The following VAT1L variants were observed in gnomAD, a reference collection of about 807,000 sequenced individuals.
VAT1L encodes the protein putative NADPH-dependent quinone oxidoreductase VAT1L.
VAT1L carries 34 observed loss-of-function variants against 44.1 expected under a neutral mutation model. That is an observed-to-expected ratio of 0.77 (90% confidence interval 0.59 to 1.03). The LOEUF is 1.03. Ranked by LOEUF, VAT1L falls within the 50% of genes least tolerant of loss-of-function variation. The pLI is 0.00. For synonymous variants in VAT1L, 253 were observed against 202.2 expected (o/e 1.25, Z -2.13); for missense variants, 615 against 538.8 (o/e 1.14, Z -1.40).
chr16:77,945,338 G>A (rs2017948232), intron 7 of VAT1L, among the ~76,000 whole-genome samples: 1 of 120,876 alleles, frequency 8.3e-6, no homozygotes, highest in African/African-American at 3.1e-5. Context: ...TAATGCTGGA[G>A]TACAGTGATG....
intron 7 of VAT1L, among the ~76,000 whole-genome samples, chr16:77,945,056 G>A (rs766521790): frequency 4.6e-5 from 7 of 152,068 alleles, no homozygotes; most frequent in East Asian, 1.9e-4. Flanking sequence ...AAAACCTGTC[G>A]GTTGTATGTT....
intron 4 of VAT1L, among the ~76,000 whole-genome samples, chr16:77,872,876 AG>A (rs1240403336): frequency 6.6e-6 from 1 of 152,192 alleles, no homozygotes; most frequent in Non-Finnish European, 1.5e-5. Flanking sequence ...GTAAACACTC[AG>A]CAAATGGTTA....
At chr16:77,894,809 G>T (rs1330200101) in intron 7 of VAT1L, among the ~76,000 whole-genome samples, 1 of 152,110 alleles carries the variant, frequency 6.6e-6, no homozygotes, top group Admixed American at 6.5e-5. Context: ...AGAGATTGAA[G>T]GGCTGTTTAA....
intron 3 of VAT1L, among the ~76,000 whole-genome samples, chr16:77,842,566 T>C (rs2016717915): frequency 6.6e-6 from 1 of 152,154 alleles, no homozygotes; most frequent in East Asian, 1.9e-4. Flanking sequence ...CCAAGAAACA[T>C]GGCACAAAAG....
intron 7 of VAT1L, among the ~76,000 whole-genome samples, chr16:77,901,347 G>T (rs566944813): frequency 6.6e-6 from 1 of 151,872 alleles, no homozygotes; most frequent in South Asian, 2.1e-4. Context: ...GTATTTTTTA[G>T]TAGAGATGGG....
At chr16:77,924,790 C>G (rs2017648433) in intron 7 of VAT1L, among the ~76,000 whole-genome samples, 1 of 152,038 alleles carries the variant, frequency 6.6e-6, no homozygotes, top group Non-Finnish European at 1.5e-5. Flanking sequence ...CCCCTCAACC[C>G]AGACTCCAAG....
chr16:77,870,820 A>G (rs2017023428), intron 4 of VAT1L, among the ~76,000 whole-genome samples: 1 of 152,204 alleles, frequency 6.6e-6, no homozygotes, highest in South Asian at 2.1e-4. Context: ...GTCAGGGGGC[A>G]CAGAAATGAT....
chr16:77,951,261 A>G (rs2018038987), intron 7 of VAT1L, among the ~76,000 whole-genome samples: 1 of 152,166 alleles, frequency 6.6e-6, no homozygotes. Flanking sequence ...AAAATGACTC[A>G]AGGTCCGGGT....
At chr16:77,840,221 T>C (rs963284667) in intron 3 of VAT1L, among the ~76,000 whole-genome samples, 1 of 152,198 alleles carries the variant, frequency 6.6e-6, no homozygotes, top group Non-Finnish European at 1.5e-5. Context: ...GTACACGTTT[T>C]AGTGTTTGCT....
rs201075028 is a variant in VAT1L at position 77,806,528 on chromosome 16, TAG to T, written c.234-10389_234-10388del. ...CCGGCCAAGTTTTTTGTATTTTTAGTAGAGACAGGTTTCACCATGTTAGCCAG... is the reference window on the plus strand; with the variant it reads ...CCGGCCAAGTTTTTTGTATTTTTAGTAGACAGGTTTCACCATGTTAGCCAG... On this transcript the variant is annotated intron_variant, in intron 1 of 8. Transcript: ENST00000302536. Among the ~76,000 whole-genome samples the T allele has an allele frequency of 3.7e-4, 56 of 150,850 alleles. 1 individual carries two copies. The East Asian group carries it at 9.7e-3, about 26-fold the overall frequency.
At chr16:77,906,793 G>A (rs1190089031) in intron 7 of VAT1L, among the ~76,000 whole-genome samples, 1 of 152,226 alleles carries the variant, frequency 6.6e-6, no homozygotes, top group Non-Finnish European at 1.5e-5. Flanking sequence ...CTACCTCTGG[G>A]TGAAGCAGAG....
chr16:77,793,282 T>A (rs959587966), intron 1 of VAT1L, among the ~76,000 whole-genome samples: 1 of 152,042 alleles, frequency 6.6e-6, no homozygotes, highest in Non-Finnish European at 1.5e-5. Flanking sequence ...CAGCTAATTT[T>A]TTTTTAATTT....
At chr16:77,959,993 C>A (rs2018144614) in intron 7 of VAT1L, among the ~76,000 whole-genome samples, 1 of 152,034 alleles carries the variant, frequency 6.6e-6, no homozygotes. Context: ...TTCTCTCTCT[C>A]CTCTTGCCAT....
At chr16:77,926,622 T>C (rs946292780) in intron 7 of VAT1L, among the ~76,000 whole-genome samples, 2 of 152,036 alleles carry the variant, frequency 1.3e-5, no homozygotes, top group African/African-American at 2.4e-5. Flanking sequence ...AAAGATACGG[T>C]GGTTGATTAA....
At chr16:77,931,861 C>G (rs1279622204) in intron 7 of VAT1L, among the ~76,000 whole-genome samples, 3 of 152,140 alleles carry the variant, frequency 2.0e-5, no homozygotes, top group African/African-American at 7.2e-5. Flanking sequence ...ACCTAAGCAA[C>G]TATGTGAACT....
intron 1 of VAT1L, among the ~76,000 whole-genome samples, chr16:77,811,539 G>C (rs150190805): frequency 6.6e-6 from 1 of 152,068 alleles, no homozygotes; most frequent in Non-Finnish European, 1.5e-5. Context: ...TATAAAAAGG[G>C]CTTATATTCC....
At chr16:77,899,361 T>C (rs2017357486) in intron 7 of VAT1L, among the ~76,000 whole-genome samples, 1 of 152,236 alleles carries the variant, frequency 6.6e-6, no homozygotes, top group Non-Finnish European at 1.5e-5. Flanking sequence ...CATCCTGATT[T>C]GCAGTGGAGA....
chr16:77,893,018 C>T (rs1277293120), intron 7 of VAT1L: 20 of 594,898 alleles, frequency 3.4e-5, no homozygotes, highest in Admixed American at 1.4e-4. Flanking sequence ...CATCTTTGTG[C>T]GCTCGCTGCA....
At chr16:77,808,334 A>G (rs1005353578) in intron 1 of VAT1L, among the ~76,000 whole-genome samples, 5 of 152,064 alleles carry the variant, frequency 3.3e-5, no homozygotes, top group Non-Finnish European at 7.4e-5. Flanking sequence ...GAGTTGTAGG[A>G]AAACAACCTC....
Sources: gnomAD v4.1 joint callset for allele counts (sites outside exome capture counted in the v4.1 genomes callset) on GRCh38, gnomAD v4.1.1 for gene constraint, MANE v1.5 for transcripts, NCBI Gene and HGNC (gene_info 2026-07-23, HGNC 2026-07-21) for gene names.